Variants in LYPD5 observed in about 807,000 individuals in gnomAD.
LYPD5 encodes LY6/PLAUR domain containing 5.
In LYPD5, 21 loss-of-function variants were observed where a neutral mutation model predicts 19.1. That is an observed-to-expected ratio of 1.10 (90% CI 0.78 to 1.58). LYPD5 has a LOEUF of 1.58. LYPD5 is among the 40% of genes most tolerant of loss of function. The probability of loss-of-function intolerance (pLI) is 0.00; values close to 1 mark genes in which losing one functional copy is unlikely to be tolerated. For synonymous variants in LYPD5, 128 were observed against 142.7 expected (o/e 0.90, Z 0.74); for missense variants, 287 against 329.8 (o/e 0.87, Z 1.00).
chr19:43,816,837 TAA>T (rs199722101), intron 1 of LYPD5, among the ~76,000 whole-genome samples: 4,133 of 152,306 alleles, frequency 0.027, 178 homozygotes, highest in African/African-American at 0.092. Flanking sequence ...TGATAGTGAA[TAA>T]GTATTATCAG....
upstream of LYPD5, among the ~76,000 whole-genome samples, chr19:43,805,610 T>G (rs1970264585): frequency 2.0e-5 from 3 of 152,230 alleles, no homozygotes; most frequent in South Asian, 6.2e-4. Context: ...CAGGTTCAAG[T>G]GATTCTCCTG....
Position 43,798,534 on chromosome 19 carries a change from G to A in LYPD5, c.438C>T (p.Cys146=). The A allele has an allele frequency of 6.2e-7, 1 of 1,611,928 alleles. No individual in the cohort carries two copies. The highest frequency in any genetic ancestry group is 8.5e-7 in the Non-Finnish European group (1 of 1,180,040). Residue 146 remains cysteine (C), a synonymous_variant, in exon 4 of 5, where the codon TGC becomes TGT. Coordinates refer to ENST00000377950, the MANE Select transcript of LYPD5 (RefSeq NM_001031749.3). ...GGACTCGTCGGGACCTGCCGATAGC[G>A]CAGTCATCCTGGTGGACCCCGATAC... ...YACIGVHQDD[C]AIGRSRRVQC...
chr19:43,802,562 C>A, upstream of LYPD5: 15 of 394,330 alleles, frequency 3.8e-5, no homozygotes, highest in South Asian at 1.5e-4. Context: ...TCCTCAGTTG[C>A]TGGAGATCTA....
At position 43,801,039 on chromosome 19, in the gene LYPD5, A is replaced by G. The variant is rs1460090166; in HGVS notation, c.65-1205T>C. 5.7e-4 allele frequency among the ~76,000 whole-genome samples: 35 copies of G among 61,826 alleles called. 1 individual carries two copies. Among genetic ancestry groups the G allele is most frequent in the African/African-American group, 1.6e-3 (31 of 19,074 alleles). 40.6% of individuals were successfully genotyped at this position (61,826 alleles called of 152,430 possible). A position where few individuals can be genotyped will look rare whatever the true frequency, so the allele number is the denominator to read the frequency against. On this transcript the variant is annotated intron_variant, in intron 1 of 4. Coordinates refer to ENST00000377950, the MANE Select transcript of LYPD5 (RefSeq NM_001031749.3). Reference sequence around the variant, plus strand: ...CATGTAACACAGATACATGGAGAGAAAAAAAAAAAAAAACACATCAAAAGG... The same window carrying G: ...CATGTAACACAGATACATGGAGAGAGAAAAAAAAAAAAACACATCAAAAGG...
At chr19:43,811,167 T>C (rs1970320533) in intron 1 of LYPD5, among the ~76,000 whole-genome samples, 1 of 152,064 alleles carries the variant, frequency 6.6e-6, no homozygotes, top group Admixed American at 6.6e-5. Flanking sequence ...TTTCACAGAT[T>C]AACTTTGAAA....
At chr19:43,798,137 G>GGTCAAAC (rs1970160282) in intron 4 of LYPD5, among the ~76,000 whole-genome samples, 1 of 68,130 alleles carries the variant, frequency 1.5e-5, no homozygotes, top group Admixed American at 1.6e-4. Context: ...GCAGGGCCAG[G>GGTCAAAC]CTTCTCCCTC....
At chr19:43,808,159 T>G (rs1027268329) in intron 1 of LYPD5, among the ~76,000 whole-genome samples, 1 of 152,192 alleles carries the variant, frequency 6.6e-6, no homozygotes, top group Non-Finnish European at 1.5e-5. Flanking sequence ...TTGCCTAGGC[T>G]GGAGTGCAGT....
rs758816621 is a variant in LYPD5 at position 43,797,645 on chromosome 19, T to C, written c.702A>G (p.Leu234=). ...SASATTPPRA[L]QVLALLLPVL... ...CTGGGAGGAGCAGGGCCAGGACCTG[T>C]AGTGCTCGGGGAGGGGTGGTGGCTG... Residue 234 remains leucine, a synonymous_variant, in exon 5 of 5, where the codon CTA becomes CTG. Coordinates refer to ENST00000377950, the MANE Select transcript of LYPD5 (RefSeq NM_001031749.3). 4 of 1,613,278 alleles carry C rather than the reference T, an allele frequency of 2.5e-6. No individual in the cohort carries two copies. Among genetic ancestry groups the C allele is most frequent in the Non-Finnish European group, 3.4e-6 (4 of 1,179,656 alleles).
intron 1 of LYPD5, among the ~76,000 whole-genome samples, chr19:43,813,351 G>A (rs1021463428): frequency 1.1e-4 from 17 of 152,164 alleles, no homozygotes; most frequent in African/African-American, 3.9e-4. Context: ...TGACACACCT[G>A]TTCCCCCTTC....
intron 1 of LYPD5, among the ~76,000 whole-genome samples, chr19:43,811,592 A>T (rs1376037427): frequency 6.6e-6 from 1 of 152,152 alleles, no homozygotes; most frequent in Non-Finnish European, 1.5e-5. Context: ...AGGCAAAGGC[A>T]GGAGAATGGC....
chr19:43,799,227 G>A (rs1191252245), intron 2 of LYPD5, among the ~76,000 whole-genome samples: 1 of 149,834 alleles, frequency 6.7e-6, no homozygotes, highest in Non-Finnish European at 1.5e-5. Flanking sequence ...TCCCCTCACC[G>A]CTCGTCCCTC....
chr19:43,796,904 G>A lies in LYPD5; in HGVS notation c.*687C>T, dbSNP rs1443904288. 1.3e-5 allele frequency: 2 copies of A among 152,248 alleles called. No homozygotes were observed. Among genetic ancestry groups the A allele is most frequent in the Non-Finnish European group, 2.9e-5 (2 of 68,052 alleles). 9.4% of individuals were successfully genotyped at this position (152,248 alleles called of 1,614,324 possible). On this transcript the variant is annotated 3_prime_UTR_variant, in exon 5 of 5. Transcript: ENST00000377950. ...TTATTTTCACCTCCACCTTATAGGTGAGAAAATATTGGCACAGAGAGCTCA... is the reference window on the plus strand; with the variant it reads ...TTATTTTCACCTCCACCTTATAGGTAAGAAAATATTGGCACAGAGAGCTCA...
At chr19:43,809,594 G>A (rs1473519649) in intron 1 of LYPD5, among the ~76,000 whole-genome samples, 1 of 151,874 alleles carries the variant, frequency 6.6e-6, no homozygotes, top group Non-Finnish European at 1.5e-5. Flanking sequence ...GTTTCACCAT[G>A]TTGGTCACTC....
chr19:43,819,076 T>C (rs1970397026), intron 1 of LYPD5, among the ~76,000 whole-genome samples: 1 of 152,142 alleles, frequency 6.6e-6, no homozygotes, highest in Non-Finnish European at 1.5e-5. Context: ...TGAAATAATC[T>C]ATTTTTTAAT....
intron 1 of LYPD5, among the ~76,000 whole-genome samples, chr19:43,817,240 A>C (rs1194067117): frequency 6.6e-6 from 1 of 152,174 alleles, no homozygotes; most frequent in African/African-American, 2.4e-5. Context: ...AGGGGGCATG[A>C]GAATGACTTG....
At chr19:43,808,266 T>C (rs915195448) in intron 1 of LYPD5, among the ~76,000 whole-genome samples, 1 of 151,964 alleles carries the variant, frequency 6.6e-6, no homozygotes, top group Admixed American at 6.6e-5. Flanking sequence ...CCACCACGCC[T>C]GGCTAATTTT....
chr19:43,798,282 C>T (rs111436616), intron 4 of LYPD5, among the ~76,000 whole-genome samples, 173 bp downstream of exon 4: 941 of 37,976 alleles, frequency 0.025, 2 homozygotes, highest in East Asian at 0.07. Context: ...CAGACCAGGG[C>T]CAAATCTTCT....
chr19:43,812,916 T>C (rs1253717159), intron 1 of LYPD5, among the ~76,000 whole-genome samples: 1 of 152,202 alleles, frequency 6.6e-6, no homozygotes, highest in Non-Finnish European at 1.5e-5. Flanking sequence ...AATGGTAAAC[T>C]GACATGGCAC....
chr19:43,815,835 T>C, intron 1 of LYPD5: 2 of 333,692 alleles, frequency 6.0e-6, no homozygotes, highest in South Asian at 2.5e-5. Context: ...CTTCCCGACT[T>C]CAAGCGATTC....
Sources: gnomAD v4.1 joint callset for allele counts (sites outside exome capture counted in the v4.1 genomes callset) on GRCh38, gnomAD v4.1.1 for gene constraint, MANE v1.5 for transcripts, NCBI Gene and HGNC (gene_info 2026-07-23, HGNC 2026-07-21) for gene names.